Variants in FRG1 observed in about 807,000 individuals in gnomAD.
FRG1 encodes the protein FSHD region gene 1.
FRG1 carries 19 observed loss-of-function variants against 37.0 expected under a neutral mutation model. The ratio of observed to expected loss-of-function variants is 0.51; its 90% CI spans 0.36 to 0.75. FRG1 has a LOEUF of 0.75. FRG1 is among the 30% of genes least tolerant of loss of function. The pLI is 0.00. For missense variants in FRG1, 243 were observed against 301.4 expected (o/e 0.81, Z 1.44); for synonymous variants, 73 against 96.5 (o/e 0.76, Z 1.43).
At chr4:189,958,769 A>G (rs1453255473) in intron 6 of FRG1, among the ~76,000 whole-genome samples, 1 of 140,002 alleles carries the variant, frequency 7.1e-6, no homozygotes, top group Non-Finnish European at 1.6e-5. Context: ...TGATGAAAAC[A>G]TTTAAGGCTT....
intron 2 of FRG1, among the ~76,000 whole-genome samples, chr4:189,951,355 G>A (rs1736743778): frequency 6.6e-6 from 1 of 152,006 alleles, no homozygotes; most frequent in African/African-American, 2.4e-5. Flanking sequence ...TTCAGGCATG[G>A]TGATAGGCGC....
intron 8 of FRG1, 151 bp downstream of exon 8, chr4:189,962,083 C>A (rs187309997): frequency 5.1e-6 from 3 of 582,834 alleles, no homozygotes; most frequent in Non-Finnish European, 9.1e-6. Context: ...AAGAGGACAT[C>A]GTAAGTTTGG....
intron 2 of FRG1, among the ~76,000 whole-genome samples, chr4:189,947,958 A>T (rs1371648374): frequency 6.6e-6 from 1 of 152,172 alleles, no homozygotes; most frequent in East Asian, 1.9e-4. Context: ...CTGTTCTCAA[A>T]TATCACAGTC....
chr4:189,955,242 A>T (rs908132103), intron 5 of FRG1, 91 bp downstream of exon 5: 4 of 721,650 alleles, frequency 5.5e-6, no homozygotes, highest in African/African-American at 5.4e-5. Flanking sequence ...AAGAAAAAGT[A>T]GGATGCAATA....
At chr4:189,960,981 T>C (rs1737203765) in intron 7 of FRG1, 142 bp downstream of exon 7, 3 of 892,904 alleles carry the variant, frequency 3.4e-6, no homozygotes, top group South Asian at 3.6e-5. Flanking sequence ...GACAGGAGGA[T>C]TGTTTGAGCC....
chr4:189,962,065 A>G lies in FRG1; in HGVS notation c.740+133A>G, dbSNP rs548420417. ...ATTTCTAATTTATGAGTGTGGCAAT[A>G]TTACCTAAAGAGGACATCGTAAGTT... On this transcript the variant is annotated intron_variant, in intron 8 of 8. Coordinates refer to ENST00000226798, the MANE Select transcript of FRG1 (RefSeq NM_004477.3). 3.1e-5 allele frequency: 20 copies of G among 640,316 alleles called. No homozygotes were observed. The African/African-American group carries it at 3.5e-4, about 11-fold the overall frequency. 39.7% of individuals were successfully genotyped at this position (640,316 alleles called of 1,614,324 possible).
chr4:189,957,587 G>C (rs2293865), intron 6 of FRG1, 85 bp downstream of exon 6: 332,212 of 1,152,128 alleles, frequency 0.29, 48,864 homozygotes, highest in Middle Eastern at 0.4. Flanking sequence ...GTCATTTACT[G>C]TCACTTTAAA....
chr4:189,948,222 G>T (rs11132770), intron 2 of FRG1, among the ~76,000 whole-genome samples: 43,797 of 151,816 alleles, frequency 0.29, 6,343 homozygotes, highest in Middle Eastern at 0.42. Flanking sequence ...TGTTCTGTTG[G>T]TTCCTCACAA....
intron 2 of FRG1, among the ~76,000 whole-genome samples, chr4:189,950,613 A>G (rs917869337): frequency 3.9e-5 from 6 of 152,216 alleles, no homozygotes; most frequent in Non-Finnish European, 1.5e-5. Context: ...TATGGAAAGC[A>G]TGAAATGTTT....
At chr4:189,946,115 T>A (rs2126801417) in intron 2 of FRG1, among the ~76,000 whole-genome samples, 1 of 152,284 alleles carries the variant, frequency 6.6e-6, no homozygotes, top group East Asian at 1.9e-4. Flanking sequence ...ATTGGTAATT[T>A]GTGTTTTTGC....
chr4:189,943,400 C>G, intron 2 of FRG1, 128 bp downstream of exon 2: 2 of 1,028,518 alleles, frequency 1.9e-6, no homozygotes, highest in South Asian at 3.8e-5. Flanking sequence ...ATATTACCTA[C>G]AGTTATAAAT....
chr4:189,962,296 TCAA>T (rs1172235261), intron 8 of FRG1, among the ~76,000 whole-genome samples: 1 of 152,090 alleles, frequency 6.6e-6, no homozygotes, highest in East Asian at 1.9e-4. Flanking sequence ...TAAGAATAGA[TCAA>T]CTAAAAAACT....
At chr4:189,955,664 T>C (rs1181456310) in intron 5 of FRG1, among the ~76,000 whole-genome samples, 1 of 151,944 alleles carries the variant, frequency 6.6e-6, no homozygotes, top group Non-Finnish European at 1.5e-5. Flanking sequence ...AAAGATAATA[T>C]ACTAATTCTT....
intron 7 of FRG1, 52 bp downstream of exon 7, chr4:189,960,891 C>T (rs1167146551): frequency 6.3e-7 from 1 of 1,579,954 alleles, no homozygotes; most frequent in Admixed American, 1.8e-5. Flanking sequence ...AAGTGCTTCT[C>T]AAAGTGCTTT....
At chr4:189,951,516 G>T (rs1373208981) in intron 2 of FRG1, among the ~76,000 whole-genome samples, 1 of 151,452 alleles carries the variant, frequency 6.6e-6, no homozygotes, top group Non-Finnish European at 1.5e-5. Flanking sequence ...AGATTGCTAT[G>T]CTAGAAAGTC....
intron 2 of FRG1, among the ~76,000 whole-genome samples, chr4:189,947,587 C>T (rs900431426): frequency 2.0e-5 from 3 of 152,206 alleles, no homozygotes; most frequent in African/African-American, 4.8e-5. Flanking sequence ...TTAGTGAGTT[C>T]TCTCCACTCT....
At chr4:189,946,841 T>TTTTGTTTG (rs549515312) in intron 2 of FRG1, among the ~76,000 whole-genome samples, 1 of 151,906 alleles carries the variant, frequency 6.6e-6, no homozygotes, top group African/African-American at 2.4e-5. Context: ...GTTCAGGGTT[T>TTTTGTTTG]TTTGTTTGTT....
At chr4:189,946,444 T>C (rs971979482) in intron 2 of FRG1, among the ~76,000 whole-genome samples, 2 of 152,174 alleles carry the variant, frequency 1.3e-5, no homozygotes, top group South Asian at 2.1e-4. Context: ...ATATTACTTA[T>C]TTTCTCTTTT....
intron 2 of FRG1, among the ~76,000 whole-genome samples, chr4:189,950,139 G>A (rs1294816654): frequency 1.3e-5 from 2 of 152,190 alleles, no homozygotes; most frequent in Non-Finnish European, 2.9e-5. Flanking sequence ...GACTAGTGAT[G>A]TTGAGCGTCT....
Sources: gnomAD v4.1 joint callset for allele counts (sites outside exome capture counted in the v4.1 genomes callset) on GRCh38, gnomAD v4.1.1 for gene constraint, MANE v1.5 for transcripts, NCBI Gene and HGNC (gene_info 2026-07-23, HGNC 2026-07-21) for gene names.